LRRTM4: variants seen among roughly 807,000 people sequenced by gnomAD.
LRRTM4 encodes the protein leucine rich repeat transmembrane neuronal 4.
Under a neutral mutation model 47.6 loss-of-function variants are expected in LRRTM4, and 25 were observed. The ratio of observed to expected loss-of-function variants is 0.53; its 90% confidence interval spans 0.38 to 0.73. LRRTM4 has a LOEUF of 0.73. LRRTM4 is among the 30% of genes least tolerant of loss of function. The pLI is 0.00. For synonymous variants in LRRTM4, 311 were observed against 269.5 expected, an observed-to-expected ratio of 1.15 and a Z score of -1.51; for missense variants, 638 against 713.4, an observed-to-expected ratio of 0.89 and a Z score of 1.20.
rs189409982 is a variant in LRRTM4 at position 76,941,579 on chromosome 2, C to A, written c.1552-192663G>T. On this transcript the variant is annotated intron_variant, in intron 3 of 3. Transcript: ENST00000409884. ...AACATGCGATTTTTGGTTTTTTGTTCCTGTTTTAGTTTGTTAAAAATAATG... is the reference window on the plus strand; with the variant it reads ...AACATGCGATTTTTGGTTTTTTGTTACTGTTTTAGTTTGTTAAAAATAATG... 4.7e-5 allele frequency among the ~76,000 whole-genome samples: 7 copies of A among 149,972 alleles called. No individual in the cohort carries two copies. The East Asian group carries it at 1.4e-3, about 30-fold the overall frequency.
intron 3 of LRRTM4, among the ~76,000 whole-genome samples, chr2:77,285,863 G>A (rs1170353538): frequency 1.3e-5 from 2 of 151,910 alleles, no homozygotes; most frequent in African/African-American, 4.8e-5. Context: ...TCACAATGTT[G>A]GATAGGACAA....
intron 3 of LRRTM4, among the ~76,000 whole-genome samples, chr2:77,354,288 C>T (rs967667668): frequency 6.6e-6 from 1 of 152,112 alleles, no homozygotes; most frequent in Non-Finnish European, 1.5e-5. Flanking sequence ...AGAAATAAAG[C>T]TATAAAAGAG....
intron 3 of LRRTM4, among the ~76,000 whole-genome samples, chr2:76,793,583 C>G (rs565218823): frequency 1.6e-5 from 2 of 127,634 alleles, no homozygotes; most frequent in Admixed American, 8.5e-5. Context: ...GTAGAACTTT[C>G]TCCTCTTCAC....
intron 3 of LRRTM4, among the ~76,000 whole-genome samples, chr2:76,975,363 G>A (rs1014334507): frequency 2.6e-5 from 4 of 151,426 alleles, no homozygotes; most frequent in Non-Finnish European, 4.4e-5. Flanking sequence ...AATCTTACAG[G>A]AATAAATGAA....
chr2:77,429,280 T>C (rs1675255561), intron 3 of LRRTM4, among the ~76,000 whole-genome samples: 1 of 152,154 alleles, frequency 6.6e-6, no homozygotes. Flanking sequence ...ATAAGATCTT[T>C]TATGACCCAG....
At chr2:76,860,210 T>C (rs979209171) in intron 3 of LRRTM4, among the ~76,000 whole-genome samples, 18 of 152,186 alleles carry the variant, frequency 1.2e-4, no homozygotes, top group African/African-American at 4.1e-4. Context: ...ACTATTACAT[T>C]ACTATGGATC....
In LRRTM4 at chr2:77,519,714, A is replaced by G. The variant is rs779509012; in HGVS notation, c.155T>C (p.Phe52Ser). The G allele has an allele frequency of 3.7e-6, 6 of 1,613,460 alleles. No individual in the cohort carries two copies. Among genetic ancestry groups the G allele is most frequent in the Non-Finnish European group, 3.4e-6 (4 of 1,179,594 alleles). Residue 52 changes from phenylalanine to serine, a missense_variant, in exon 3 of 4, where the codon TTC becomes TCC. By Grantham distance (155) the Phe-to-Ser change is radical. Coordinates refer to ENST00000409884, the MANE Select transcript of LRRTM4 (RefSeq NM_001134745.3). The surrounding 1 kb of genome is among the most constrained non-coding windows in gnomAD (Gnocchi z 4.6). ...GKIVYCESHA[F>S]ADIPENISGG... The stretch of plus-strand genomic sequence containing the variant: ...AGAAATGTTCTCAGGGATATCTGCG[A>G]AAGCATGAGACTCACAGTACACAAT...
intron 3 of LRRTM4, among the ~76,000 whole-genome samples, chr2:76,819,926 T>C (rs1469905591): frequency 6.6e-6 from 1 of 151,982 alleles, no homozygotes; most frequent in African/African-American, 2.4e-5. Flanking sequence ...CTTCAGCCAC[T>C]GTACCTCCTT....
At chr2:76,955,061 C>G (rs949300086) in intron 3 of LRRTM4, among the ~76,000 whole-genome samples, 2 of 151,734 alleles carry the variant, frequency 1.3e-5, no homozygotes, top group Non-Finnish European at 2.9e-5. Context: ...ATTAGACCTG[C>G]CTTCCACGAA....
intron 3 of LRRTM4, among the ~76,000 whole-genome samples, chr2:77,135,673 T>G (rs560326415): frequency 6.6e-6 from 1 of 152,178 alleles, no homozygotes; most frequent in Admixed American, 6.5e-5. Flanking sequence ...CTTCTGAAAG[T>G]TCTCAATGAA....
At chr2:77,250,345 G>A (rs1675569546) in intron 3 of LRRTM4, among the ~76,000 whole-genome samples, 2 of 152,062 alleles carry the variant, frequency 1.3e-5, no homozygotes, top group African/African-American at 2.4e-5. Context: ...ACATTTGTCC[G>A]TTGTAACAAA....
At chr2:77,227,978 A>AAT (rs1312924428) in intron 3 of LRRTM4, among the ~76,000 whole-genome samples, 3 of 152,044 alleles carry the variant, frequency 2.0e-5, no homozygotes, top group African/African-American at 7.2e-5. Flanking sequence ...ATTTGTAACA[A>AAT]ATATATCATC....
intron 3 of LRRTM4, among the ~76,000 whole-genome samples, chr2:77,366,261 A>C (rs1263433876): frequency 6.6e-6 from 1 of 151,706 alleles, no homozygotes; most frequent in Non-Finnish European, 1.5e-5. Context: ...TACTCCACTT[A>C]ATTTCCTAGT....
chr2:76,862,244 T>A (rs1175551564), intron 3 of LRRTM4, among the ~76,000 whole-genome samples: 1 of 152,156 alleles, frequency 6.6e-6, no homozygotes, highest in African/African-American at 2.4e-5. Context: ...CTGCTGGTAG[T>A]GGTTGTTGGT....
intron 3 of LRRTM4, among the ~76,000 whole-genome samples, chr2:77,058,986 C>A (rs1018467459): frequency 1.3e-5 from 2 of 152,048 alleles, no homozygotes; most frequent in Non-Finnish European, 2.9e-5. Flanking sequence ...TAACCAATTT[C>A]TAAGTGACTT....
chr2:77,284,082 T>A (rs556220347), intron 3 of LRRTM4, among the ~76,000 whole-genome samples: 2 of 152,242 alleles, frequency 1.3e-5, no homozygotes, highest in East Asian at 1.9e-4. Flanking sequence ...CACTTTTAGA[T>A]CCCTTAGACG....
chr2:76,965,608 T>TA (rs535928245), intron 3 of LRRTM4, among the ~76,000 whole-genome samples: 33 of 151,048 alleles, frequency 2.2e-4, no homozygotes, highest in Non-Finnish European at 2.8e-4. Context: ...GTTTACAGGT[T>TA]AAAAAAAACA....
chr2:77,238,666 A>T (rs1203489668), intron 3 of LRRTM4, among the ~76,000 whole-genome samples: 1 of 152,088 alleles, frequency 6.6e-6, no homozygotes. Flanking sequence ...CAAACTCCTT[A>T]AAACCAAAGC....
At chr2:77,092,858 A>G (rs1373971287) in intron 3 of LRRTM4, among the ~76,000 whole-genome samples, 3 of 143,722 alleles carry the variant, frequency 2.1e-5, no homozygotes, top group Non-Finnish European at 4.4e-5. Context: ...TATATCCCTT[A>G]CGATCCTCCA....
Sources: gnomAD v4.1 joint callset for allele counts (sites outside exome capture counted in the v4.1 genomes callset) on GRCh38, gnomAD v4.1.1 for gene constraint, Gnocchi (gnomAD v3.1) non-coding constraint, MANE v1.5 for transcripts, NCBI Gene and HGNC (gene_info 2026-07-23, HGNC 2026-07-21) for gene names.